TOP3B: variants seen among roughly 807,000 people sequenced by gnomAD.
TOP3B encodes DNA topoisomerase III beta, also known as DNA topoisomerase 3-beta-1.
A neutral mutation model predicts 93.9 loss-of-function variants in TOP3B; 45 were observed. The ratio of observed to expected loss-of-function variants is 0.48; its 90% CI spans 0.38 to 0.61. The LOEUF (loss-of-function observed/expected upper bound fraction) is 0.61. Ranked by LOEUF, TOP3B falls within the 20% of genes least tolerant of loss-of-function variation. The pLI is 0.00. For synonymous variants in TOP3B, 357 were observed against 472.6 expected (o/e 0.76, Z 3.17); for missense variants, 750 against 1,156.1 (o/e 0.65, Z 5.09).
At chr22:21,959,057 T>C in intron 16 of TOP3B, 75 bp downstream of exon 16, 2 of 1,567,310 alleles carry the variant, frequency 1.3e-6, no homozygotes. Context: ...AGAACATGAT[T>C]CCTGCTGATC....
Position 21,971,888 on chromosome 22 carries a change from T to A in TOP3B, c.373A>T (p.Ile125Phe). ...WLDCDKEGEN[I>F]CFEVLDAVLP... ...AGCCTCACACTCACCTCAAAGCAGA[T>A]GTTCTCCCCCTCCTTGTCGCAGTCC... The change falls in exon 5 of 18, where the codon ATC becomes TTC. Residue 125 changes from isoleucine to phenylalanine, a missense_variant. By Grantham distance (21) the Ile-to-Phe change is conservative. Coordinates refer to ENST00000357179, the MANE Select transcript of TOP3B (RefSeq NM_001282112.2). The surrounding 1 kb of genome is among the most constrained non-coding windows in gnomAD (Gnocchi z 4.6). 1 of 1,614,068 alleles carries A rather than the reference T, an allele frequency of 6.2e-7. No individual in the cohort carries two copies. Among genetic ancestry groups the A allele is most frequent in the Non-Finnish European group, 8.5e-7 (1 of 1,179,980 alleles).
chr22:21,962,989 A>C, intron 11 of TOP3B, 96 bp from the exon 12 acceptor site: 1 of 1,470,480 alleles, frequency 6.8e-7, no homozygotes, highest in Non-Finnish European at 9.4e-7. Context: ...GCTCCTGCTT[A>C]CAGAGCCGCT....
chr22:21,970,461 C>A lies in TOP3B; in HGVS notation c.385-55G>T. 1 of 1,567,168 alleles carries A rather than the reference C, an allele frequency of 6.4e-7. No individual in the cohort carries two copies. On this transcript the variant is annotated intron_variant, in intron 5 of 17. Coordinates refer to ENST00000357179, the MANE Select transcript of TOP3B (RefSeq NM_001282112.2). This position sits in a 1 kb window ranked among gnomAD's most constrained non-coding sequence, Gnocchi z 4.4. ...CACCTCCCAGATCCCTGCCACAGCTCCCCACCCCACTGTGAAGCCTGGTTC... is the reference window on the plus strand; with the variant it reads ...CACCTCCCAGATCCCTGCCACAGCTACCCACCCCACTGTGAAGCCTGGTTC...
chr22:21,979,471 T>C (rs1420608571), intron 1 of TOP3B, among the ~76,000 whole-genome samples: 1 of 152,012 alleles, frequency 6.6e-6, no homozygotes, highest in East Asian at 1.9e-4. Flanking sequence ...AGACTGTCCA[T>C]GTGGACTCTG....
Position 21,958,579 on chromosome 22 carries a change from C to A in TOP3B, c.2020G>T (p.Val674Phe). The A allele has an allele frequency of 6.2e-7, 1 of 1,614,124 alleles. No homozygotes were observed. The highest frequency in any genetic ancestry group is 1.6e-4 in the Middle Eastern group (1 of 6,062). ...CCCCGAGAGCCTGATGACCACAGGA[C>A]CAGCTCGAAGTCATCCAGAGGGCAG... ...LRCPLDDFELVLWSSGSRGKS... is the reference protein window; with the variant it reads ...LRCPLDDFELFLWSSGSRGKS... Residue 674 changes from valine (V) to phenylalanine (F), a missense_variant, in exon 17 of 18, where the codon GTC (valine) becomes TTC (phenylalanine). By Grantham distance (50) the Val-to-Phe change is conservative. Around this residue, in one of 4 missense-constraint regions of TOP3B, gnomAD observed 737 missense variants for 933.7 expected, o/e 0.79. Coordinates refer to ENST00000357179, the MANE Select transcript of TOP3B (RefSeq NM_001282112.2).
chr22:21,958,650 TAGGTCTCATCGCAGTGGGAGCAGTGC>T lies in TOP3B; in HGVS notation c.1923_1948del (p.Cys643AlafsTer19). 2 of 1,613,316 alleles carry T rather than the reference TAGGTCTCATCGCAGTGGGAGCAGTGC, an allele frequency of 1.2e-6. No individual in the cohort carries two copies. Among genetic ancestry groups the T allele is most frequent in the South Asian group, 1.1e-5 (1 of 91,064 alleles). ...GATGGTGCCGTTCTGGGGGAGCGTG[TAGGTCTCATCGCAGTGGGAGCAGTGC>T]AGGCGGCTTGGCTTGGCCTGCGGCA... On this transcript the variant is annotated frameshift_variant, in exon 17 of 18. Coordinates refer to ENST00000357179, the MANE Select transcript of TOP3B (RefSeq NM_001282112.2). LOFTEE classifies it high-confidence loss of function.
chr22:21,977,480 G>C (rs1254753299), intron 1 of TOP3B: 1 of 132,880 alleles, frequency 7.5e-6, no homozygotes, highest in Non-Finnish European at 1.5e-5. Flanking sequence ...AGTGAGCCGA[G>C]ATCATGCTAT....
chr22:21,977,897 T>C (rs2071946513), intron 1 of TOP3B, among the ~76,000 whole-genome samples: 1 of 151,998 alleles, frequency 6.6e-6, no homozygotes, highest in Non-Finnish European at 1.5e-5. Flanking sequence ...CTCCCAGAAC[T>C]CATGCTGTAG....
chr22:21,975,631 C>G lies in TOP3B; in HGVS notation c.70+9G>C. On this transcript the variant is annotated intron_variant, in intron 2 of 17. Transcript: ENST00000357179. ...GCTTACAGACCAAAGCAGGGCTGGT[C>G]TCTCCTACCTCTAGAGAGGATTTTG... 1 of 1,605,580 alleles carries G rather than the reference C, an allele frequency of 6.2e-7. No individual in the cohort carries two copies. Among genetic ancestry groups the G allele is most frequent in the Non-Finnish European group, 8.5e-7 (1 of 1,173,936 alleles).
chr22:21,964,231 T>G lies in TOP3B; in HGVS notation c.1028A>C (p.His343Pro). The G allele has an allele frequency of 6.2e-7, 1 of 1,614,130 alleles. No homozygotes were observed. Among genetic ancestry groups the G allele is most frequent in the Non-Finnish European group, 8.5e-7 (1 of 1,180,002 alleles). ...YISYPRTETTHYPENFDLKGS... is the reference protein window; with the variant it reads ...YISYPRTETTPYPENFDLKGS... ...CTTCAGGTCAAAGTTCTCAGGGTAGTGGGTGGTCTCTGTCCGTGGGTAGCT... is the reference window on the plus strand; with the variant it reads ...CTTCAGGTCAAAGTTCTCAGGGTAGGGGGTGGTCTCTGTCCGTGGGTAGCT... The change falls in exon 10 of 18, where the codon CAC (histidine) becomes CCC (proline). Residue 343 changes from histidine to proline, a missense_variant. Coordinates refer to ENST00000357179, the MANE Select transcript of TOP3B (RefSeq NM_001282112.2).
In TOP3B at chr22:21,970,022, G is replaced by C. The variant is rs1002310585; in HGVS notation, c.581+188C>G. The stretch of plus-strand genomic sequence containing the variant: ...CAACCTCAAGCAATCCTCCTATCCT[G>C]GTCTCCCAAAGTGCAGGGATTACAG... On this transcript the variant is annotated intron_variant, in intron 6 of 17. Transcript: ENST00000357179. This position sits in a 1 kb window ranked among gnomAD's most constrained non-coding sequence, Gnocchi z 4.4. 1 of 591,464 alleles carries C rather than the reference G, an allele frequency of 1.7e-6. No homozygotes were observed. Among genetic ancestry groups the C allele is most frequent in the Non-Finnish European group, 2.9e-6 (1 of 344,986 alleles). The allele number at this position is 591,464 out of a possible 1,614,324, so 36.6% of individuals were successfully genotyped here. A position where few individuals can be genotyped will look rare whatever the true frequency, so the allele number is the denominator to read the frequency against.
rs2071080266 is a variant in TOP3B at position 21,959,649 on chromosome 22, A to C, written c.1742T>G (p.Val581Gly). The part of the protein sequence containing the change: ...IAQGKADYRQ[V>G]LGHTLDVFKR... ...GAACACGTCCAGGGTGTGGCCCAGG[A>C]CCTGGCGGTAGTCGGCCTTGCCCTG... The change falls in exon 15 of 18, where the codon GTC becomes GGC. Residue 581 changes from valine (V) to glycine (G), a missense_variant. This residue lies in a region of TOP3B where 737 missense variants were observed against 933.7 expected (regional missense o/e 0.79). Transcript: ENST00000357179. The C allele has an allele frequency of 6.2e-7, 1 of 1,613,670 alleles. No individual in the cohort carries two copies. Among genetic ancestry groups the C allele is most frequent in the Non-Finnish European group, 8.5e-7 (1 of 1,179,912 alleles).
Position 21,964,015 on chromosome 22 carries a change from A to G in TOP3B, c.1112T>C (p.Leu371Ser). Residue 371 changes from leucine (L) to serine (S), a missense_variant, in exon 11 of 18, where the codon TTA becomes TCA. Physicochemically the swap from Leu to Ser is moderately radical, Grantham distance 145. Around this residue, in one of 4 missense-constraint regions of TOP3B, gnomAD observed 737 missense variants for 933.7 expected, o/e 0.79. Transcript: ENST00000357179. Reference sequence around the variant, plus strand: ...CCGCGGGCGGTTGATACCTTCTGCTAACAACCGCTTCACCTGAGGGAGAGA... The same window carrying G: ...CCGCGGGCGGTTGATACCTTCTGCTGACAACCGCTTCACCTGAGGGAGAGA... Reference protein sequence around the residue: ...PYWADTVKRLLAEGINRPRKG... With the variant: ...PYWADTVKRLSAEGINRPRKG... 4.4e-6 allele frequency: 7 copies of G among 1,608,786 alleles called. No homozygotes were observed. The highest frequency in any genetic ancestry group is 5.9e-6 in the Non-Finnish European group (7 of 1,177,508).
chr22:21,976,063 C>A (rs1326277103), intron 1 of TOP3B: 1 of 175,458 alleles, frequency 5.7e-6, no homozygotes, highest in Non-Finnish European at 1.2e-5. Flanking sequence ...GATCTCAGGT[C>A]AATTTTATTC....
rs150616632 is a variant in TOP3B at position 21,962,463 on chromosome 22, G to A, written c.1491C>T (p.Ala497=). ...GCTTCTCCATGAGCGTGATGAGCTC[G>A]GCCTCCGTCAGGTAGTCGGGTGGGT... ...QTNPPDYLTE[A]ELITLMEKHG... Residue 497 remains alanine (A), a synonymous_variant, in exon 13 of 18, where the codon GCC becomes GCT. Coordinates refer to ENST00000357179, the MANE Select transcript of TOP3B (RefSeq NM_001282112.2). The A allele has an allele frequency of 5.6e-6, 9 of 1,613,608 alleles. No homozygotes were observed. Among genetic ancestry groups the A allele is most frequent in the Middle Eastern group, 1.6e-4 (1 of 6,084 alleles).
chr22:21,978,428 G>A (rs2071971971), intron 1 of TOP3B, among the ~76,000 whole-genome samples: 1 of 152,150 alleles, frequency 6.6e-6, no homozygotes, highest in Non-Finnish European at 1.5e-5. Context: ...AAAAGCAAAA[G>A]GAACAACCCA....
At chr22:21,957,965 G>A (rs1013180593) in intron 17 of TOP3B, 11 of 1,391,890 alleles carry the variant, frequency 7.9e-6, no homozygotes, top group African/African-American at 1.5e-5. Flanking sequence ...GGCAGGGATG[G>A]GGTCTCACTC....
intron 17 of TOP3B, 56 bp downstream of exon 17, chr22:21,958,436 T>A (rs201278100): frequency 3.4e-4 from 552 of 1,611,742 alleles, no homozygotes; most frequent in Non-Finnish European, 4.2e-4. Context: ...AGGCAGGGGT[T>A]GGCACTGAAA....
rs573403876 is a variant in TOP3B at position 21,959,797 on chromosome 22, C to T, written c.1655-61G>A. 1.1e-5 allele frequency: 17 copies of T among 1,576,134 alleles called. No individual in the cohort carries two copies. In the South Asian group the frequency reaches 1.7e-4, roughly 16 times the overall value. On this transcript the variant is annotated intron_variant, in intron 14 of 17. Transcript: ENST00000357179. ...ACTCGCACCCAGGGCCATGCCACCC[C>T]TTCCCAGGCAGGGATACTGCCCTGT...
Sources: allele counts gnomAD v4.1 joint callset (sites outside exome capture counted in the v4.1 genomes callset), GRCh38; gene constraint gnomAD v4.1.1; regional missense constraint gnomAD v4.1.1; non-coding constraint Gnocchi (gnomAD v3.1); transcripts MANE v1.5; gene names NCBI Gene and HGNC (gene_info 2026-07-23, HGNC 2026-07-21).